MSI2: variants seen among roughly 807,000 people sequenced by gnomAD.
The protein encoded by MSI2 is RNA-binding protein Musashi homolog 2.
A neutral mutation model predicts 45.6 loss-of-function variants in MSI2; 17 were observed. That is an observed-to-expected ratio of 0.37 (90% CI 0.26 to 0.56). The LOEUF (loss-of-function observed/expected upper bound fraction) is 0.56. Among genes scored for constraint, MSI2 ranks in the 20% least tolerant of loss-of-function variants. The pLI is 0.77. For synonymous variants in MSI2, 156 were observed against 158.2 expected (o/e 0.99, Z 0.11); for missense variants, 293 against 444.2 (o/e 0.66, Z 3.06).
At chr17:57,344,732 G>A (rs527872207) in intron 5 of MSI2, among the ~76,000 whole-genome samples, 1 of 152,224 alleles carries the variant, frequency 6.6e-6, no homozygotes, top group East Asian at 1.9e-4. Context: ...ACACCTCCAA[G>A]TTTGCTCAAT....
chr17:57,601,884 TCAG>T (rs1905919540), intron 8 of MSI2: 1 of 152,264 alleles, frequency 6.6e-6, no homozygotes, highest in South Asian at 2.1e-4. Flanking sequence ...TCACTAGAGC[TCAG>T]CAGCAGTGGA....
intron 10 of MSI2, among the ~76,000 whole-genome samples, chr17:57,651,521 G>A (rs1428855961): frequency 6.6e-6 from 1 of 152,218 alleles, no homozygotes; most frequent in Admixed American, 6.5e-5. Flanking sequence ...TCGGGCCTGG[G>A]GCTGTGATGC....
chr17:57,464,007 G>A (rs1187181254), intron 6 of MSI2, among the ~76,000 whole-genome samples: 1 of 129,186 alleles, frequency 7.7e-6, no homozygotes, highest in Non-Finnish European at 1.8e-5. Flanking sequence ...GTGTGTGTGT[G>A]TGTGTGTGTG....
At chr17:57,359,345 G>A (rs1168979264) in intron 5 of MSI2, among the ~76,000 whole-genome samples, 1 of 152,064 alleles carries the variant, frequency 6.6e-6, no homozygotes, top group East Asian at 1.9e-4. Context: ...CAGCTACAAG[G>A]GAGATAGAAT....
intron 5 of MSI2, among the ~76,000 whole-genome samples, chr17:57,378,856 C>T (rs986681049): frequency 6.6e-6 from 1 of 152,194 alleles, no homozygotes. Flanking sequence ...TGTGACTCTG[C>T]ACCCAATGTG....
intron 7 of MSI2, among the ~76,000 whole-genome samples, chr17:57,565,150 T>G (rs1439157461): frequency 1.3e-5 from 2 of 152,236 alleles, no homozygotes; most frequent in South Asian, 4.1e-4. Context: ...TGCCTGGTAT[T>G]CGGCTGTGCC....
intron 6 of MSI2, among the ~76,000 whole-genome samples, chr17:57,410,859 G>A (rs1304273504): frequency 1.3e-5 from 2 of 152,102 alleles, no homozygotes; most frequent in Non-Finnish European, 2.9e-5. Flanking sequence ...GATCAGAGAC[G>A]GGCTTCCTGA....
At chr17:57,292,934 A>G (rs1910548993) in intron 5 of MSI2, among the ~76,000 whole-genome samples, 1 of 152,152 alleles carries the variant, frequency 6.6e-6, no homozygotes, top group African/African-American at 2.4e-5. Flanking sequence ...TTTTGGAGTA[A>G]GATTTGTCAA....
chr17:57,690,522 G>C, the MSI2 span, among the ~76,000 whole-genome samples: 2 of 152,138 alleles, frequency 1.3e-5, no homozygotes, highest in African/African-American at 2.4e-5. Flanking sequence ...TGGAGGCTGA[G>C]GTGGGAGGAT....
chr17:57,401,049 C>T (rs2083980200), intron 5 of MSI2, among the ~76,000 whole-genome samples: 1 of 152,124 alleles, frequency 6.6e-6, no homozygotes, highest in Non-Finnish European at 1.5e-5. Flanking sequence ...CTGTTTTGTT[C>T]ACGTCTCTTA....
At chr17:57,563,652 A>G (rs1405095243) in intron 7 of MSI2, among the ~76,000 whole-genome samples, 1 of 151,938 alleles carries the variant, frequency 6.6e-6, no homozygotes, top group Non-Finnish European at 1.5e-5. Flanking sequence ...CCAGCATTTA[A>G]CATACCCATA....
chr17:57,503,902 G>A (rs1006977471), intron 6 of MSI2, among the ~76,000 whole-genome samples: 6 of 152,182 alleles, frequency 3.9e-5, no homozygotes, highest in Admixed American at 3.3e-4. Context: ...GCACCACGAT[G>A]CCCAGCTAAT....
Position 57,680,575 on chromosome 17 carries a change from T to A in MSI2, c.*1058T>A, listed in dbSNP as rs891615807. 4.4e-6 allele frequency: 1 copy of A among 227,360 alleles called. No individual in the cohort carries two copies. The highest frequency in any genetic ancestry group is 1.8e-4 in the South Asian group (1 of 5,476). 14.1% of individuals were successfully genotyped at this position (227,360 alleles called of 1,614,324 possible). A position where few individuals can be genotyped will look rare whatever the true frequency, so the allele number is the denominator to read the frequency against. ...TTGTCTGTGTGATAGACCTAAGAAC[T>A]GTATTAGTGTTGTACCAGCCTATTA... On this transcript the variant is annotated 3_prime_UTR_variant, in exon 14 of 14. Coordinates refer to ENST00000284073, the MANE Select transcript of MSI2 (RefSeq NM_138962.4).
intron 10 of MSI2, among the ~76,000 whole-genome samples, chr17:57,647,732 C>T (rs927182872): frequency 2.6e-5 from 4 of 151,586 alleles, no homozygotes; most frequent in Non-Finnish European, 5.9e-5. Flanking sequence ...GCAACCTCTG[C>T]CTCCCAGGTT....
At chr17:57,575,728 G>A (rs1419788661) in intron 7 of MSI2, among the ~76,000 whole-genome samples, 1 of 151,806 alleles carries the variant, frequency 6.6e-6, no homozygotes, top group African/African-American at 2.4e-5. Context: ...GGTGGATCAC[G>A]AGGTCAGGAG....
chr17:57,690,453 A>G, the MSI2 span, among the ~76,000 whole-genome samples: 1 of 151,936 alleles, frequency 6.6e-6, no homozygotes, highest in Non-Finnish European at 1.5e-5. Flanking sequence ...TCTACAAAAA[A>G]AAAAAAAATA....
intron 5 of MSI2, among the ~76,000 whole-genome samples, chr17:57,396,539 T>C (rs1238509262): frequency 1.3e-5 from 2 of 152,176 alleles, no homozygotes; most frequent in Admixed American, 1.3e-4. Context: ...TTTTTTTAAC[T>C]CAAAAAGCCA....
At chr17:57,597,008 A>G (rs1410327863) in intron 8 of MSI2, 58 bp downstream of exon 8, 2 of 1,275,092 alleles carry the variant, frequency 1.6e-6, no homozygotes, top group Non-Finnish European at 2.3e-6. Context: ...GTACACACCC[A>G]GTCTTGCAGA....
Position 57,379,282 on chromosome 17 carries a change from C to T in MSI2, c.313-22097C>T, listed in dbSNP as rs556435657. 7.9e-3 allele frequency among the ~76,000 whole-genome samples: 1,199 copies of T among 152,154 alleles called. 12 individuals carry two copies. Among genetic ancestry groups the T allele is most frequent in the Non-Finnish European group, 0.01 (708 of 68,012 alleles). On this transcript the variant is annotated intron_variant, in intron 5 of 13. Transcript: ENST00000284073. ...CTGCCTCTACTACTCGATCTACTTT[C>T]CCCAAACCCTTCTCTGAGTCAGGGT...
Sources: allele counts gnomAD v4.1 joint callset (sites outside exome capture counted in the v4.1 genomes callset), GRCh38; gene constraint gnomAD v4.1.1; transcripts MANE v1.5; gene names NCBI Gene and HGNC (gene_info 2026-07-23, HGNC 2026-07-21).